MOV10L1: variants seen among roughly 807,000 people sequenced by gnomAD.
The protein encoded by MOV10L1 is RNA helicase Mov10l1.
A neutral mutation model predicts 143.8 loss-of-function variants in MOV10L1; 110 were observed. That is an observed-to-expected ratio of 0.76 (90% CI 0.66 to 0.90). The LOEUF is 0.90. Among genes scored for constraint, MOV10L1 ranks in the 40% least tolerant of loss-of-function variants. MOV10L1 has a pLI of 0.00. For synonymous variants in MOV10L1, 593 were observed against 581.1 expected (o/e 1.02, Z -0.29); for missense variants, 1,406 against 1,526.8 (o/e 0.92, Z 1.32).
intron 2 of MOV10L1, 65 bp downstream of exon 2, chr22:50,092,250 G>A: frequency 6.8e-7 from 1 of 1,461,874 alleles, no homozygotes; most frequent in South Asian, 1.3e-5. Flanking sequence ...GTTTTTCCTT[G>A]TGTTTAATCT....
rs746270130 is a variant in MOV10L1 at position 50,152,115 on chromosome 22, G to A, written c.2893-930G>A. ...TCACGGGGCCAATCATGGCGTTCTCGTGCCAGTGTCATCTGGCGAGTAACA... is the reference window on the plus strand; with the variant it reads ...TCACGGGGCCAATCATGGCGTTCTCATGCCAGTGTCATCTGGCGAGTAACA... On this transcript the variant is annotated intron_variant, in intron 21 of 26. Transcript: ENST00000262794. This position sits in a 1 kb window ranked among gnomAD's most constrained non-coding sequence, Gnocchi z 4.4. Among the ~76,000 whole-genome samples, 9 of 151,700 alleles carry A rather than the reference G, an allele frequency of 5.9e-5. No individual in the cohort carries two copies. The highest frequency in any genetic ancestry group is 1.4e-4 in the African/African-American group (6 of 41,418).
At chr22:50,160,485 C>T (rs1318382786) in intron 24 of MOV10L1, among the ~76,000 whole-genome samples, 1 of 151,916 alleles carries the variant, frequency 6.6e-6, no homozygotes, top group South Asian at 2.1e-4. Flanking sequence ...GATCTCCTGA[C>T]CTCGTGATCC....
chr22:50,114,754 T>G (rs1227029369), intron 7 of MOV10L1, 132 bp downstream of exon 7: 3 of 1,353,678 alleles, frequency 2.2e-6, no homozygotes, highest in Non-Finnish European at 3.0e-6. Context: ...CTCTGAGCTC[T>G]TCGGCTTCAG....
Position 50,090,480 on chromosome 22 carries a change from C to T in MOV10L1, c.97+295C>T, listed in dbSNP as rs544684845. ...CAGCTGCCAAGTCGTCTCTCCATGT[C>T]GTTCCTCCCTGTCCGCAGCGTCATT... On this transcript the variant is annotated intron_variant, in intron 1 of 26. Coordinates refer to ENST00000262794, the MANE Select transcript of MOV10L1 (RefSeq NM_018995.3). The T allele has an allele frequency of 1.3e-4, 217 of 1,610,312 alleles. 4 individuals carry two copies. The South Asian group carries it at 2.3e-3, about 17-fold the overall frequency.
intron 11 of MOV10L1, 120 bp from the exon 12 acceptor site, chr22:50,126,082 G>A (rs2062496132): frequency 1.5e-6 from 1 of 663,044 alleles, no homozygotes. Context: ...ATGAGCCACT[G>A]CACCCAGCCT....
Position 50,118,227 on chromosome 22 carries a change from T to TGTTTGAATC in MOV10L1, c.1454+877_1454+885dup, listed in dbSNP as rs1419483751. ...TGTTTACCTTTTAAGGTTAGACCAT[T>TGTTTGAATC]GTTTGAATCACAGCACCACCACCAA... On this transcript the variant is annotated intron_variant, in intron 9 of 26. Transcript: ENST00000262794. 2.0e-5 allele frequency among the ~76,000 whole-genome samples: 3 copies of TGTTTGAATC among 152,118 alleles called. No homozygotes were observed. The East Asian group carries it at 5.8e-4, about 29-fold the overall frequency.
chr22:50,116,921 G>T lies in MOV10L1; in HGVS notation c.1260-236G>T, dbSNP rs577995505. Among the ~76,000 whole-genome samples, 13 of 152,238 alleles carry T rather than the reference G, an allele frequency of 8.5e-5. No individual in the cohort carries two copies. The South Asian group carries it at 2.1e-3, about 24-fold the overall frequency. ...TCTGCCCGCCTCAGTCTTCCAAAGT[G>T]CTGGGATTACAGGCCTGAGCCACCG... On this transcript the variant is annotated intron_variant, in intron 8 of 26. Transcript: ENST00000262794.
Position 50,160,696 on chromosome 22 carries a change from A to C in MOV10L1, c.3333A>C (p.Ser1111=). The change falls in exon 25 of 27, where the codon TCA becomes TCC. Residue 1111 remains serine (S), a synonymous_variant. Coordinates refer to ENST00000262794, the MANE Select transcript of MOV10L1 (RefSeq NM_018995.3). ...YLVIIISTVR[S]NEDRFEDDRY... is the part of the protein sequence containing the mutation. Reference sequence around the variant, plus strand: ...TCTCTGTGTGCTTTTAGGTACGGTCAAATGAAGATAGATTTGAAGATGATC... The same window carrying C: ...TCTCTGTGTGCTTTTAGGTACGGTCCAATGAAGATAGATTTGAAGATGATC... The C allele has an allele frequency of 6.2e-7, 1 of 1,613,926 alleles. No homozygotes were observed.
intron 6 of MOV10L1, 117 bp from the exon 7 acceptor site, chr22:50,114,264 T>A (rs1189983351): frequency 4.8e-6 from 6 of 1,253,998 alleles, no homozygotes; most frequent in Non-Finnish European, 6.6e-6. Flanking sequence ...TTTTGACTTA[T>A]ATTCATAAGT....
chr22:50,144,845 T>G (rs1401414549), intron 18 of MOV10L1, among the ~76,000 whole-genome samples: 1 of 152,208 alleles, frequency 6.6e-6, no homozygotes, highest in Non-Finnish European at 1.5e-5. Context: ...CCTCCCAAAG[T>G]GCTGGGATTA....
chr22:50,110,417 C>G (rs912989644), intron 5 of MOV10L1, among the ~76,000 whole-genome samples: 1 of 151,538 alleles, frequency 6.6e-6, no homozygotes, highest in African/African-American at 2.4e-5. Flanking sequence ...CCACTGCACT[C>G]CAGCCTGCAC....
At chr22:50,090,913 T>G (rs2062420537) in intron 1 of MOV10L1, 1 of 233,482 alleles carries the variant, frequency 4.3e-6, no homozygotes, top group Non-Finnish European at 8.9e-6. Context: ...TGATCTCAGG[T>G]GACCCACCCA....
Position 50,108,571 on chromosome 22 carries a change from T to C in MOV10L1, c.556-86T>C, listed in dbSNP as rs2061937363. ...GAGCTTCCTGGTGCAGCTTGTGTGC[T>C]TTGGGCTGACTTGGGCGTGTGTTAG... On this transcript the variant is annotated intron_variant, in intron 4 of 26. Coordinates refer to ENST00000262794, the MANE Select transcript of MOV10L1 (RefSeq NM_018995.3). The C allele has an allele frequency of 1.4e-6, 2 of 1,463,678 alleles. 1 individual carries two copies. The highest frequency in any genetic ancestry group is 3.5e-5 in the Admixed American group (2 of 56,752). 90.7% of individuals were successfully genotyped at this position (1,463,678 alleles called of 1,614,324 possible).
intron 3 of MOV10L1, among the ~76,000 whole-genome samples, chr22:50,101,065 A>C (rs2061732272): frequency 2.0e-5 from 3 of 152,044 alleles, no homozygotes; most frequent in Non-Finnish European, 4.4e-5. Flanking sequence ...TTCTGAGCTG[A>C]AGTCCATTTG....
At chr22:50,112,969 A>G (rs2062064080) in intron 5 of MOV10L1, among the ~76,000 whole-genome samples, 1 of 152,110 alleles carries the variant, frequency 6.6e-6, no homozygotes, top group Admixed American at 6.5e-5. Context: ...TGGGAACCTC[A>G]CTGAGTTTGC....
chr22:50,154,356 A>G (rs141160719), intron 22 of MOV10L1, among the ~76,000 whole-genome samples: 191 of 152,256 alleles, frequency 1.3e-3, no homozygotes, highest in African/African-American at 4.4e-3. Flanking sequence ...TAGGAGTTCA[A>G]GATTAGCCTG....
intron 13 of MOV10L1, among the ~76,000 whole-genome samples, chr22:50,129,402 C>G (rs1287961580): frequency 6.6e-6 from 1 of 152,146 alleles, no homozygotes; most frequent in African/African-American, 2.4e-5. Context: ...GAGTAACTTG[C>G]TGTATTTGGT....
Position 50,144,149 on chromosome 22 carries a change from GTGC to G in MOV10L1, c.2417_2419del (p.Ala806del). The G allele has an allele frequency of 6.2e-7, 1 of 1,613,664 alleles. No individual in the cohort carries two copies. The highest frequency in any genetic ancestry group is 8.5e-7 in the Non-Finnish European group (1 of 1,179,558). Reference sequence around the variant, plus strand: ...ATTTTAGTCTGTGCGCCCTCCAACAGTGCTGCTGACCTCGTGTGTCTGCGGCTG... The same window carrying G: ...ATTTTAGTCTGTGCGCCCTCCAACAGTGCTGACCTCGTGTGTCTGCGGCTG... On this transcript the variant is annotated inframe_deletion, in exon 18 of 27. Coordinates refer to ENST00000262794, the MANE Select transcript of MOV10L1 (RefSeq NM_018995.3).
chr22:50,141,804 A>G (rs2062995934), intron 15 of MOV10L1, among the ~76,000 whole-genome samples: 2 of 152,316 alleles, frequency 1.3e-5, no homozygotes, highest in South Asian at 4.1e-4. Context: ...GATGATATTA[A>G]TAAAATAAAA....
Sources: gnomAD v4.1 joint callset for allele counts (sites outside exome capture counted in the v4.1 genomes callset) on GRCh38, gnomAD v4.1.1 for gene constraint, Gnocchi (gnomAD v3.1) non-coding constraint, MANE v1.5 for transcripts, NCBI Gene and HGNC (gene_info 2026-07-23, HGNC 2026-07-21) for gene names.